DHRS4L2: variants seen among roughly 807,000 people sequenced by gnomAD.
DHRS4L2 encodes dehydrogenase/reductase SDR family member 4-like 2.
DHRS4L2 carries 22 observed loss-of-function variants against 23.9 expected under a neutral mutation model. The ratio of observed to expected loss-of-function variants is 0.92; its 90% CI spans 0.66 to 1.31. The LOEUF is 1.31. Ranked by LOEUF, DHRS4L2 falls within the 40% of genes most tolerant of loss-of-function variation. The probability of loss-of-function intolerance (pLI) is 0.00; values close to 1 mark genes in which losing one functional copy is unlikely to be tolerated. For missense variants in DHRS4L2, 385 were observed against 303.3 expected (o/e 1.27, Z -2.00); for synonymous variants, 141 against 123.7 (o/e 1.14, Z -0.93).
intron 3 of DHRS4L2, among the ~76,000 whole-genome samples, chr14:23,997,651 T>A (rs2034406741): frequency 6.8e-6 from 1 of 147,224 alleles, no homozygotes; most frequent in Admixed American, 6.6e-5. Context: ...AACCAGCTCC[T>A]CAGCCATCTA....
At chr14:23,979,317 G>C (rs1468082498) in intron 1 of DHRS4L2, among the ~76,000 whole-genome samples, 1 of 132,328 alleles carries the variant, frequency 7.6e-6, no homozygotes, top group Admixed American at 7.6e-5. Flanking sequence ...CCTACAAAGA[G>C]ACTTAGACTC....
At chr14:23,971,484 G>T (rs1490817228) in intron 1 of DHRS4L2, among the ~76,000 whole-genome samples, 1 of 151,926 alleles carries the variant, frequency 6.6e-6, no homozygotes, top group East Asian at 1.9e-4. Context: ...TTCAAATTCA[G>T]GAAATACAGA....
At chr14:23,972,413 C>G (rs1481251423) in intron 1 of DHRS4L2, among the ~76,000 whole-genome samples, 1 of 152,016 alleles carries the variant, frequency 6.6e-6, no homozygotes, top group Non-Finnish European at 1.5e-5. Context: ...CGTGGCCTCA[C>G]TGGCCTCAGG....
chr14:23,970,446 G>T (rs915727062), intron 1 of DHRS4L2: 22 of 354,274 alleles, frequency 6.2e-5, no homozygotes, highest in South Asian at 4.3e-4. Flanking sequence ...TATGATCACA[G>T]TGTAAACAAA....
intron 1 of DHRS4L2, among the ~76,000 whole-genome samples, chr14:23,982,661 C>G (rs937434423): frequency 4.0e-5 from 6 of 151,436 alleles, no homozygotes; most frequent in African/African-American, 1.5e-4. Context: ...ACACCTACAA[C>G]CATCAGATTT....
At chr14:23,980,681 T>TA (rs1391840580) in intron 1 of DHRS4L2, among the ~76,000 whole-genome samples, 1 of 150,092 alleles carries the variant, frequency 6.7e-6, no homozygotes, top group Non-Finnish European at 1.5e-5. Context: ...GTCCATCACA[T>TA]AAACAGAACC....
In DHRS4L2 at chr14:23,978,017, T is replaced by A. The variant is rs2033999723; in HGVS notation, c.-176+7685T>A. On this transcript the variant is annotated intron_variant, in intron 1 of 5. Coordinates refer to the DHRS4L2 transcript ENST00000534993. ...CTCCACTTCAGAATGCTGACTGCAT[T>A]CCTTTGGATTTGATGTTTCCAGATG... 3.3e-5 allele frequency among the ~76,000 whole-genome samples: 5 copies of A among 151,672 alleles called. 1 individual carries two copies. Among genetic ancestry groups the A allele is most frequent in the Non-Finnish European group, 5.9e-5 (4 of 67,980 alleles).
chr14:23,989,822 C>T (rs200223714), intron 1 of DHRS4L2, among the ~76,000 whole-genome samples: 7 of 151,606 alleles, frequency 4.6e-5, no homozygotes, highest in Non-Finnish European at 7.4e-5. Context: ...AGAAACCTGG[C>T]GGCAGGACTG....
At chr14:23,972,414 T>TGA (rs2033877623) in intron 1 of DHRS4L2, among the ~76,000 whole-genome samples, 1 of 152,020 alleles carries the variant, frequency 6.6e-6, no homozygotes, top group Non-Finnish European at 1.5e-5. Flanking sequence ...GTGGCCTCAC[T>TGA]GGCCTCAGGA....
chr14:23,990,922 C>T (rs2034256012), intron 2 of DHRS4L2: 1 of 857,914 alleles, frequency 1.2e-6, no homozygotes, highest in Non-Finnish European at 1.4e-6. Context: ...CCCAAGCTCC[C>T]TTCCTTTATT....
At chr14:23,984,828 AT>A (rs1275247329), upstream of DHRS4L2, among the ~76,000 whole-genome samples, 3 of 148,534 alleles carry the variant, frequency 2.0e-5, no homozygotes, top group African/African-American at 7.5e-5. Flanking sequence ...AAAAAAAAGA[AT>A]TTAAAATGCC....
Position 23,975,281 on chromosome 14 carries a change from A to G in DHRS4L2, c.-176+4949A>G, listed in dbSNP as rs1188905132. On this transcript the variant is annotated intron_variant, in intron 1 of 5. Coordinates refer to the DHRS4L2 transcript ENST00000534993. Reference sequence around the variant, plus strand: ...GTGCAAAAATCACAAGCATTCCTATATGCAAATAATAGACAGAGAGCCAAA... The same window carrying G: ...GTGCAAAAATCACAAGCATTCCTATGTGCAAATAATAGACAGAGAGCCAAA... Among the ~76,000 whole-genome samples the G allele has an allele frequency of 2.6e-5, 4 of 151,902 alleles. No homozygotes were observed. The East Asian group carries it at 7.7e-4, about 29-fold the overall frequency.
rs1280356119 is a variant in DHRS4L2, at chr14:23,979,157, A to G, written c.-176+8825A>G. ...GCAGGGGTTGCAATCCTGGTCTCCG[A>G]TAAAACAGACTTTAAACCAACAAAG... On this transcript the variant is annotated intron_variant, in intron 1 of 5. Transcript: ENST00000534993. Among the ~76,000 whole-genome samples, 18 of 149,046 alleles carry G rather than the reference A, an allele frequency of 1.2e-4. 1 individual carries two copies. Among genetic ancestry groups the G allele is most frequent in the Non-Finnish European group, 2.2e-4 (15 of 67,348 alleles).
chr14:24,000,723 G>A lies in DHRS4L2; in HGVS notation c.409-140G>A. 3 of 788,976 alleles carry A rather than the reference G, an allele frequency of 3.8e-6. 1 individual carries two copies. Among genetic ancestry groups the A allele is most frequent in the Non-Finnish European group, 6.1e-6 (3 of 492,478 alleles). The allele number at this position is 788,976 out of a possible 1,614,324, so 48.9% of individuals were successfully genotyped here. A position where few individuals can be genotyped will look rare whatever the true frequency, so the allele number is the denominator to read the frequency against. On this transcript the variant is annotated intron_variant, in intron 3 of 7. Coordinates refer to ENST00000335125, the MANE Select transcript of DHRS4L2 (RefSeq NM_198083.4). ...TCTCCCTGAACCTCAGTTCCTTCAT[G>A]TGTAAGATGCAGGTATATCATCCTA...
chr14:23,998,258 A>C (rs1282025937), intron 3 of DHRS4L2, among the ~76,000 whole-genome samples: 3 of 151,970 alleles, frequency 2.0e-5, no homozygotes, highest in South Asian at 2.1e-4. Flanking sequence ...GGCAGAGTAG[A>C]TTTAGCGTAA....
chr14:23,988,728 C>T, upstream of DHRS4L2: 1 of 1,331,444 alleles, frequency 7.5e-7, no homozygotes, highest in Non-Finnish European at 9.7e-7. Context: ...TGATCACTCA[C>T]CAGCCCGGGA....
chr14:23,974,738 GA>G (rs1036979902), intron 1 of DHRS4L2, among the ~76,000 whole-genome samples: 2 of 151,780 alleles, frequency 1.3e-5, no homozygotes, highest in African/African-American at 2.4e-5. Flanking sequence ...AACAGCTTCT[GA>G]AATTGAGGCA....
At chr14:23,976,213 C>CA (rs2033960492) in intron 1 of DHRS4L2, among the ~76,000 whole-genome samples, 1 of 151,594 alleles carries the variant, frequency 6.6e-6, no homozygotes, top group Non-Finnish European at 1.5e-5. Flanking sequence ...ATCCATCTGA[C>CA]AAAGGTCTAA....
Position 24,006,083 on chromosome 14 carries a change from T to G in DHRS4L2, c.*220T>G, listed in dbSNP as rs372881743. 7.8e-6 allele frequency: 12 copies of G among 1,531,478 alleles called. No individual in the cohort carries two copies. The highest frequency in any genetic ancestry group is 4.9e-5 in the East Asian group (2 of 41,060). The allele number at this position is 1,531,478 out of a possible 1,614,324, so 94.9% of individuals were successfully genotyped here. A position where few individuals can be genotyped will look rare whatever the true frequency, so the allele number is the denominator to read the frequency against. ...CATTCACCCACTGGCCTTTCCCACCTCTGCTCACCTTACTGTTCACCTCAT... is the reference window on the plus strand; with the variant it reads ...CATTCACCCACTGGCCTTTCCCACCGCTGCTCACCTTACTGTTCACCTCAT... On this transcript the variant is annotated 3_prime_UTR_variant, in exon 8 of 8. Coordinates refer to ENST00000335125, the MANE Select transcript of DHRS4L2 (RefSeq NM_198083.4).
Sources: gnomAD v4.1 joint callset for allele counts (sites outside exome capture counted in the v4.1 genomes callset) on GRCh38, gnomAD v4.1.1 for gene constraint, MANE v1.5 for transcripts, NCBI Gene and HGNC (gene_info 2026-07-23, HGNC 2026-07-21) for gene names.